POU6F2: variants seen among roughly 807,000 people sequenced by gnomAD.
POU6F2 encodes POU domain, class 6, transcription factor 2.
POU6F2 carries 31 observed loss-of-function variants against 71.3 expected under a neutral mutation model. That is an observed-to-expected ratio of 0.43 (90% CI 0.33 to 0.59). The LOEUF (loss-of-function observed/expected upper bound fraction) is 0.59, where lower values mean the gene tolerates loss of function less well. Ranked by LOEUF, POU6F2 falls within the 20% of genes least tolerant of loss-of-function variation. POU6F2 has a pLI of 0.04. For missense variants in POU6F2, 783 were observed against 856.8 expected (o/e 0.91, Z 1.07); for synonymous variants, 347 against 355.7 (o/e 0.98, Z 0.27).
At chr7:39,226,866 T>C (rs746080266) in intron 4 of POU6F2, among the ~76,000 whole-genome samples, 16 of 152,240 alleles carry the variant, frequency 1.1e-4, no homozygotes, top group Non-Finnish European at 1.8e-4. Context: ...AATGAGCTGA[T>C]GTGAATTTTG....
At chr7:39,202,147 G>A (rs1793918318) in intron 2 of POU6F2, among the ~76,000 whole-genome samples, 1 of 152,190 alleles carries the variant, frequency 6.6e-6, no homozygotes, top group South Asian at 2.1e-4. Flanking sequence ...AAGAATAAAT[G>A]TAAGCAAATG....
intron 4 of POU6F2, among the ~76,000 whole-genome samples, chr7:39,224,545 C>T (rs1253846666): frequency 6.6e-6 from 1 of 152,138 alleles, no homozygotes; most frequent in African/African-American, 2.4e-5. Flanking sequence ...AGTGGGTCCA[C>T]GTTCAGGGGT....
At chr7:39,028,099 A>AT (rs988335957) in intron 1 of POU6F2, among the ~76,000 whole-genome samples, 3 of 151,710 alleles carry the variant, frequency 2.0e-5, no homozygotes, top group Admixed American at 6.6e-5. Flanking sequence ...GAGGTTAATC[A>AT]TTTTTTTCAT....
chr7:39,316,158 C>T (rs1785264142), intron 4 of POU6F2, among the ~76,000 whole-genome samples: 1 of 152,146 alleles, frequency 6.6e-6, no homozygotes, highest in Admixed American at 6.5e-5. Context: ...TAGCATGCCT[C>T]AGTCTATTGA....
intron 5 of POU6F2, among the ~76,000 whole-genome samples, chr7:39,372,943 T>C (rs1786642662): frequency 6.6e-6 from 1 of 152,100 alleles, no homozygotes; most frequent in African/African-American, 2.4e-5. Flanking sequence ...AATAAAGATA[T>C]TTAAAAAATT....
chr7:39,353,163 T>G (rs1420412999), intron 5 of POU6F2, among the ~76,000 whole-genome samples: 1 of 152,238 alleles, frequency 6.6e-6, no homozygotes, highest in East Asian at 1.9e-4. Flanking sequence ...CTGCCCCAGA[T>G]TGGACGGGCA....
chr7:39,194,959 A>C (rs560336443), intron 2 of POU6F2, among the ~76,000 whole-genome samples: 52 of 152,202 alleles, frequency 3.4e-4, no homozygotes, highest in African/African-American at 1.2e-3. Context: ...GACACATCTG[A>C]AGGAACAAAC....
chr7:39,134,897 A>G (rs1792358911), intron 2 of POU6F2, among the ~76,000 whole-genome samples: 1 of 152,252 alleles, frequency 6.6e-6, no homozygotes, highest in Non-Finnish European at 1.5e-5. Context: ...GATACAGTCA[A>G]AGGCAAGTTC....
intron 2 of POU6F2, among the ~76,000 whole-genome samples, chr7:39,149,698 G>A (rs1792704605): frequency 6.6e-6 from 1 of 151,968 alleles, no homozygotes; most frequent in Admixed American, 6.6e-5. Context: ...CCTGCCGATC[G>A]TAACCACTGT....
chr7:39,137,250 A>C (rs1340354445), intron 2 of POU6F2, among the ~76,000 whole-genome samples: 1 of 152,196 alleles, frequency 6.6e-6, no homozygotes, highest in Non-Finnish European at 1.5e-5. Flanking sequence ...GTATTTTATA[A>C]ATAAGTACAA....
chr7:39,024,337 AT>A (rs1319338751), intron 1 of POU6F2, among the ~76,000 whole-genome samples: 12 of 151,816 alleles, frequency 7.9e-5, no homozygotes, highest in Non-Finnish European at 1.6e-4. Flanking sequence ...AATGCTTGTG[AT>A]TTTTGTACAT....
chr7:39,305,137 T>C (rs1358645557), intron 4 of POU6F2, among the ~76,000 whole-genome samples: 1 of 152,242 alleles, frequency 6.6e-6, no homozygotes, highest in Non-Finnish European at 1.5e-5. Flanking sequence ...TCATTACCAT[T>C]GTTGGACATC....
chr7:39,058,135 C>G (rs562251405), intron 1 of POU6F2, among the ~76,000 whole-genome samples: 41 of 152,176 alleles, frequency 2.7e-4, no homozygotes, highest in Non-Finnish European at 3.4e-4. Flanking sequence ...AATTCCTCCC[C>G]CCTTGTTTAA....
chr7:39,160,212 T>A (rs1305891842), intron 2 of POU6F2, among the ~76,000 whole-genome samples: 4 of 152,182 alleles, frequency 2.6e-5, no homozygotes, highest in Non-Finnish European at 5.9e-5. Context: ...ATGCTAGTTA[T>A]TAAAATAATT....
intron 2 of POU6F2, among the ~76,000 whole-genome samples, chr7:39,199,145 C>T (rs1793843805): frequency 6.6e-6 from 1 of 152,158 alleles, no homozygotes; most frequent in Non-Finnish European, 1.5e-5. Flanking sequence ...GGTCATTAAC[C>T]AGGGAATCTT....
chr7:39,130,002 G>C (rs1792228927), intron 2 of POU6F2, among the ~76,000 whole-genome samples: 1 of 147,834 alleles, frequency 6.8e-6, no homozygotes, highest in South Asian at 2.1e-4. Flanking sequence ...GGGAGGTGGA[G>C]CTTGCAGCGA....
At chr7:39,024,619 T>A (rs1223919447) in intron 1 of POU6F2, among the ~76,000 whole-genome samples, 1 of 152,178 alleles carries the variant, frequency 6.6e-6, no homozygotes, top group African/African-American at 2.4e-5. Flanking sequence ...TTTTGCCCAT[T>A]CAGTATGATA....
chr7:39,172,167 G>C (rs143414293), intron 2 of POU6F2, among the ~76,000 whole-genome samples: 111 of 152,152 alleles, frequency 7.3e-4, no homozygotes, highest in African/African-American at 2.6e-3. Context: ...GTTTTTCTTT[G>C]CACATTTGTG....
intron 7 of POU6F2, among the ~76,000 whole-genome samples, chr7:39,449,377 A>G (rs1329894550): frequency 2.0e-5 from 3 of 152,246 alleles, no homozygotes; most frequent in Non-Finnish European, 4.4e-5. Flanking sequence ...GCCCCTAACT[A>G]ACAGTTGTTT....
Sources: gnomAD v4.1 joint callset for allele counts (sites outside exome capture counted in the v4.1 genomes callset) on GRCh38, gnomAD v4.1.1 for gene constraint, MANE v1.5 for transcripts, NCBI Gene and HGNC (gene_info 2026-07-23, HGNC 2026-07-21) for gene names.